The following IQGAP2 variants were observed in gnomAD, a reference collection of about 807,000 sequenced individuals.
IQGAP2 encodes ras GTPase-activating-like protein IQGAP2.
In IQGAP2, 173 loss-of-function variants were observed where a neutral mutation model predicts 201.3. The observed-to-expected ratio is 0.86, with a 90% CI of 0.76 to 0.98. The LOEUF (loss-of-function observed/expected upper bound fraction) is 0.98. Ranked by LOEUF, IQGAP2 falls within the 50% of genes least tolerant of loss-of-function variation. IQGAP2 has a pLI of 0.00. For missense variants in IQGAP2, 1,687 were observed against 1,864.8 expected (o/e 0.90, Z 1.76); for synonymous variants, 675 against 673.9 (o/e 1.00, Z -0.03).
chr5:76,542,429 G>A (rs368223062), intron 2 of IQGAP2, among the ~76,000 whole-genome samples: 100 of 152,302 alleles, frequency 6.6e-4, no homozygotes, highest in African/African-American at 2.0e-3. Flanking sequence ...AGCCAGCTTC[G>A]TTCCTTACCG....
intron 1 of IQGAP2, among the ~76,000 whole-genome samples, chr5:76,419,557 C>T (rs1030539896): frequency 2.6e-5 from 4 of 152,086 alleles, no homozygotes; most frequent in Non-Finnish European, 4.4e-5. Context: ...AGGCTGGTCT[C>T]GAACTCCTGA....
At chr5:76,481,967 G>A (rs888604467) in intron 2 of IQGAP2, among the ~76,000 whole-genome samples, 12 of 152,162 alleles carry the variant, frequency 7.9e-5, no homozygotes, top group African/African-American at 2.9e-4. Context: ...GCAAATTAAA[G>A]CTTTAAGAGA....
intron 1 of IQGAP2, among the ~76,000 whole-genome samples, chr5:76,407,995 G>A (rs1176581013): frequency 1.3e-5 from 2 of 152,154 alleles, no homozygotes; most frequent in Admixed American, 6.5e-5. Flanking sequence ...GCCTGGTGTG[G>A]TAGTGCATGC....
intron 5 of IQGAP2, among the ~76,000 whole-genome samples, chr5:76,579,528 C>T (rs972699392): frequency 7.2e-5 from 11 of 152,140 alleles, no homozygotes; most frequent in African/African-American, 2.4e-4. Flanking sequence ...CCCCTGCCCC[C>T]CTTCCCCATT....
In IQGAP2 at chr5:76,665,102, A is replaced by G. The variant is rs1271892818; in HGVS notation, c.2606A>G (p.Gln869Arg). ...EMEILNNTDN[Q>R]GIKSLSKERR... ...GAAATACTGAATAACACCGACAACC[A>G]AGGAATAAAAAGTTTGAGTAAGGAG... The change falls in exon 22 of 36, where the codon CAA (glutamine) becomes CGA (arginine). Residue 869 changes from glutamine (Q) to arginine (R), a missense_variant. Coordinates refer to ENST00000274364, the MANE Select transcript of IQGAP2 (RefSeq NM_006633.5). 1.2e-6 allele frequency: 2 copies of G among 1,609,682 alleles called. No individual in the cohort carries two copies. Among genetic ancestry groups the G allele is most frequent in the Non-Finnish European group, 1.7e-6 (2 of 1,175,972 alleles).
chr5:76,681,090 A>G (rs113676675), intron 28 of IQGAP2, among the ~76,000 whole-genome samples: 9 of 10,420 alleles, frequency 8.6e-4, no homozygotes, highest in African/African-American at 3.2e-3. Flanking sequence ...ACTTTGTCTC[A>G]AAAAAAAAAA....
chr5:76,520,389 C>G (rs957846485), intron 2 of IQGAP2, among the ~76,000 whole-genome samples: 1 of 151,982 alleles, frequency 6.6e-6, no homozygotes, highest in African/African-American at 2.4e-5. Context: ...CTCGAACTCC[C>G]GACCTCAGGA....
At chr5:76,596,757 A>C (rs1045209551) in intron 9 of IQGAP2, among the ~76,000 whole-genome samples, 3 of 152,150 alleles carry the variant, frequency 2.0e-5, no homozygotes, top group Non-Finnish European at 4.4e-5. Flanking sequence ...TCCAGGGGGA[A>C]ATCCGCCCCC....
At chr5:76,514,360 T>TA (rs1047872045) in intron 2 of IQGAP2, among the ~76,000 whole-genome samples, 16 of 152,122 alleles carry the variant, frequency 1.1e-4, no homozygotes, top group African/African-American at 3.9e-4. Flanking sequence ...TCAATCATGG[T>TA]AAAAATTCCA....
intron 1 of IQGAP2, among the ~76,000 whole-genome samples, chr5:76,416,935 C>A (rs1263606816): frequency 2.0e-5 from 3 of 151,916 alleles, no homozygotes; most frequent in African/African-American, 7.3e-5. Context: ...CTCAAGTGAT[C>A]CTCCTACCTC....
chr5:76,547,996 G>A (rs1056520452), intron 2 of IQGAP2, among the ~76,000 whole-genome samples: 8 of 152,304 alleles, frequency 5.3e-5, no homozygotes, highest in Admixed American at 3.3e-4. Context: ...GTAGCATTAC[G>A]CTTTAAACTG....
rs1386175280 is a variant in IQGAP2 at position 76,590,392 on chromosome 5, TCTC to T, written c.641-15_641-13del. On this transcript the variant is annotated splice_polypyrimidine_tract_variant and intron_variant, in intron 7 of 35. Transcript: ENST00000274364. ...GCTGATAAAAACCTTTTTCTCTCTC[TCTC>T]TTTACTTTTTAGTACATGCTGCAGT... The T allele has an allele frequency of 6.4e-7, 1 of 1,571,146 alleles. No individual in the cohort carries two copies. The highest frequency in any genetic ancestry group is 1.9e-5 in the Admixed American group (1 of 52,490).
At chr5:76,685,991 T>G (rs566032328) in intron 30 of IQGAP2, among the ~76,000 whole-genome samples, 1 of 152,344 alleles carries the variant, frequency 6.6e-6, no homozygotes, top group South Asian at 2.1e-4. Flanking sequence ...TTTGAACTTT[T>G]GCCTGAAGAT....
At position 76,570,554 on chromosome 5, in the gene IQGAP2, C is replaced by A. The variant is rs377105589; in HGVS notation, c.304-26C>A. On this transcript the variant is annotated intron_variant, in intron 3 of 35. Transcript: ENST00000274364. ...ACTTTTTGTGTGGTTCCTTCTCTCC[C>A]TTTTTCCCTCCTATCGTCACTTTAG... The A allele has an allele frequency of 6.4e-6, 10 of 1,555,528 alleles. No individual in the cohort carries two copies. In the African/African-American group the frequency reaches 1.2e-4, roughly 19 times the overall value.
chr5:76,509,735 G>A (rs1246103354), intron 2 of IQGAP2, among the ~76,000 whole-genome samples: 2 of 152,066 alleles, frequency 1.3e-5, no homozygotes, highest in African/African-American at 4.8e-5. Context: ...AGACTTGGGA[G>A]TATCCTGAGG....
intron 2 of IQGAP2, among the ~76,000 whole-genome samples, chr5:76,467,519 A>T (rs1396109468): frequency 6.6e-6 from 1 of 152,230 alleles, no homozygotes; most frequent in Non-Finnish European, 1.5e-5. Context: ...AGAGAAATCA[A>T]AACTCATACA....
chr5:76,569,385 A>G (rs1009955280), intron 3 of IQGAP2, among the ~76,000 whole-genome samples: 2 of 152,156 alleles, frequency 1.3e-5, no homozygotes, highest in African/African-American at 4.8e-5. Context: ...GGACATTTCC[A>G]TTATTCCCAG....
At chr5:76,429,223 A>G (rs1752192071) in intron 1 of IQGAP2, among the ~76,000 whole-genome samples, 1 of 152,038 alleles carries the variant, frequency 6.6e-6, no homozygotes, top group African/African-American at 2.4e-5. Flanking sequence ...ATCATTTTGT[A>G]TACTTAAGGC....
chr5:76,623,109 C>T (rs776636414), intron 13 of IQGAP2: 3 of 1,532,812 alleles, frequency 2.0e-6, no homozygotes, highest in Non-Finnish European at 2.7e-6. Flanking sequence ...GTTCAGTTGA[C>T]TCTTAATTTG....
Sources: gnomAD v4.1 joint callset for allele counts (sites outside exome capture counted in the v4.1 genomes callset) on GRCh38, gnomAD v4.1.1 for gene constraint, MANE v1.5 for transcripts, NCBI Gene and HGNC (gene_info 2026-07-23, HGNC 2026-07-21) for gene names.